ARHGEF28: variants seen among roughly 807,000 people sequenced by gnomAD.
The protein encoded by ARHGEF28 is Rho guanine nucleotide exchange factor 28, also known as 190 kDa guanine nucleotide exchange factor.
In ARHGEF28, 152 loss-of-function variants were observed where a neutral mutation model predicts 206.6. The ratio of observed to expected loss-of-function variants is 0.74; its 90% CI spans 0.64 to 0.84. The LOEUF (loss-of-function observed/expected upper bound fraction) is 0.84, where lower values mean the gene tolerates loss of function less well. Ranked by LOEUF, ARHGEF28 falls within the 40% of genes least tolerant of loss-of-function variation. The pLI, the probability that ARHGEF28 is intolerant of heterozygous loss-of-function variation, is 0.00. For synonymous variants in ARHGEF28, 763 were observed against 776.4 expected (o/e 0.98, Z 0.29); for missense variants, 2,028 against 2,073.2 (o/e 0.98, Z 0.42).
At chr5:73,696,612 A>G (rs1285007902) in intron 2 of ARHGEF28, among the ~76,000 whole-genome samples, 1 of 152,228 alleles carries the variant, frequency 6.6e-6, no homozygotes, top group Non-Finnish European at 1.5e-5. Context: ...ATTTGTCTTT[A>G]TAAACGAATA....
chr5:73,732,014 AC>A (rs1477530665), intron 2 of ARHGEF28, among the ~76,000 whole-genome samples: 1 of 141,180 alleles, frequency 7.1e-6, no homozygotes, highest in Non-Finnish European at 1.5e-5. Flanking sequence ...AATTTAGTGA[AC>A]TTTTTTTTTT....
intron 2 of ARHGEF28, among the ~76,000 whole-genome samples, chr5:73,734,831 A>T (rs1003462393): frequency 5.3e-5 from 8 of 152,006 alleles, no homozygotes; most frequent in African/African-American, 1.7e-4. Context: ...TTTGCAGTGG[A>T]GAGGGAAGAC....
intron 2 of ARHGEF28, among the ~76,000 whole-genome samples, chr5:73,722,544 A>G (rs1750025038): frequency 6.6e-6 from 1 of 152,248 alleles, no homozygotes; most frequent in Non-Finnish European, 1.5e-5. Flanking sequence ...CGCTTTGTTT[A>G]TCTTTTAGGA....
intron 1 of ARHGEF28, among the ~76,000 whole-genome samples, chr5:73,644,539 A>G (rs1744316974): frequency 6.6e-6 from 1 of 152,196 alleles, no homozygotes; most frequent in Admixed American, 6.5e-5. Context: ...GATAATCTTC[A>G]GTCCTCATGA....
At chr5:73,737,439 C>CTTCTTTTCTTTTTTCTTTTCTT (rs1751018952) in intron 2 of ARHGEF28, among the ~76,000 whole-genome samples, 1 of 72,500 alleles carries the variant, frequency 1.4e-5, no homozygotes, top group Non-Finnish European at 2.9e-5. Context: ...AGCCCTCTTC[C>CTTCTTTTCTTTTTTCTTTTCTT]TTCTTTTCTT....
chr5:73,880,935 T>G (rs1335216858), intron 22 of ARHGEF28, among the ~76,000 whole-genome samples: 2 of 86,284 alleles, frequency 2.3e-5, no homozygotes, highest in Non-Finnish European at 4.7e-5. Context: ...GCACCCTGCC[T>G]CAAAAAAAAA....
chr5:73,895,352 A>G (rs181419640), intron 29 of ARHGEF28, among the ~76,000 whole-genome samples: 119 of 152,234 alleles, frequency 7.8e-4, no homozygotes, highest in Admixed American at 2.5e-3. Flanking sequence ...GAAAATACTG[A>G]GAATTTTGAC....
At chr5:73,802,041 C>A (rs1029283086) in intron 9 of ARHGEF28, among the ~76,000 whole-genome samples, 2 of 152,150 alleles carry the variant, frequency 1.3e-5, no homozygotes, top group African/African-American at 4.8e-5. Context: ...AAATGGAGTT[C>A]TACTTTTATC....
chr5:73,896,838 C>T (rs978416302), intron 29 of ARHGEF28, among the ~76,000 whole-genome samples: 9 of 152,202 alleles, frequency 5.9e-5, no homozygotes, highest in Admixed American at 2.6e-4. Flanking sequence ...CTTCCATTCC[C>T]CTGGCACACC....
chr5:73,651,471 C>A (rs1263661788), intron 1 of ARHGEF28, among the ~76,000 whole-genome samples: 1 of 152,112 alleles, frequency 6.6e-6, no homozygotes, highest in Non-Finnish European at 1.5e-5. Context: ...TTAGGGAAAG[C>A]TGGTAGAGAT....
intron 14 of ARHGEF28, among the ~76,000 whole-genome samples, chr5:73,857,425 A>G (rs1759114618): frequency 6.6e-6 from 1 of 152,156 alleles, no homozygotes; most frequent in Middle Eastern, 3.2e-3. Context: ...CCTATGTTCT[A>G]TAATTGTTGA....
chr5:73,635,229 G>C (rs1179885144), intron 1 of ARHGEF28, among the ~76,000 whole-genome samples: 1 of 152,194 alleles, frequency 6.6e-6, no homozygotes, highest in Non-Finnish European at 1.5e-5. Flanking sequence ...TATAGTCCCA[G>C]CTACTCGGGA....
intron 2 of ARHGEF28, among the ~76,000 whole-genome samples, chr5:73,742,264 A>G (rs1475603326): frequency 6.6e-6 from 1 of 152,154 alleles, no homozygotes; most frequent in East Asian, 1.9e-4. Context: ...CCATACTGGC[A>G]GACTTGGTGT....
Position 73,909,741 on chromosome 5 carries a change from C to G in ARHGEF28, c.4491C>G (p.Leu1497=). The G allele has an allele frequency of 1.3e-6, 2 of 1,514,678 alleles. No individual in the cohort carries two copies. The highest frequency in any genetic ancestry group is 1.3e-5 in the South Asian group (1 of 79,898). 93.8% of individuals were successfully genotyped at this position (1,514,678 alleles called of 1,614,324 possible). The part of the protein sequence containing the change: ...LRSRGELDLQ[L]QEYQHSLERL... ...GCCGGGGCGAGCTGGACCTCCAGCT[C>G]CAGGAGTACCAGCACAGCCTGGAGC... is the stretch of plus-strand genomic sequence containing the variant. Residue 1497 remains leucine (L), a synonymous_variant, in exon 34 of 36, where the codon CTC becomes CTG. Transcript: ENST00000513042.
intron 16 of ARHGEF28, among the ~76,000 whole-genome samples, chr5:73,863,569 G>A (rs1759528635): frequency 6.6e-6 from 1 of 151,682 alleles, no homozygotes; most frequent in African/African-American, 2.4e-5. Flanking sequence ...TCCTCCTGCA[G>A]GCCAAGTCTC....
At chr5:73,630,363 C>T (rs1743287996) in intron 1 of ARHGEF28, among the ~76,000 whole-genome samples, 1 of 151,998 alleles carries the variant, frequency 6.6e-6, no homozygotes, top group South Asian at 2.1e-4. Context: ...GTTAAATAGC[C>T]CCAACTTTGC....
At chr5:73,639,228 C>CATATATAT (rs112312521) in intron 1 of ARHGEF28, among the ~76,000 whole-genome samples, 9 of 145,070 alleles carry the variant, frequency 6.2e-5, no homozygotes, top group African/African-American at 2.0e-4. Context: ...TTTTCTATTA[C>CATATATAT]ATATATATAT....
intron 35 of ARHGEF28, among the ~76,000 whole-genome samples, chr5:73,927,453 A>G (rs1580116279): frequency 6.6e-6 from 1 of 152,344 alleles, no homozygotes; most frequent in South Asian, 2.1e-4. Flanking sequence ...GATTATTGCT[A>G]TATATCATTT....
intron 35 of ARHGEF28, among the ~76,000 whole-genome samples, chr5:73,928,993 C>T (rs1023561025): frequency 2.0e-5 from 3 of 152,202 alleles, no homozygotes; most frequent in East Asian, 1.9e-4. Context: ...TGGAGTGTAG[C>T]GGTGTGATCT....
Sources: allele counts gnomAD v4.1 joint callset (sites outside exome capture counted in the v4.1 genomes callset), GRCh38; gene constraint gnomAD v4.1.1; transcripts MANE v1.5; gene names NCBI Gene and HGNC (gene_info 2026-07-23, HGNC 2026-07-21).